GABBR2: variants seen among roughly 807,000 people sequenced by gnomAD.
GABBR2 encodes gamma-aminobutyric acid type B receptor subunit 2, also known as G-protein coupled receptor 51.
In GABBR2, 23 loss-of-function variants were observed where a neutral mutation model predicts 105.6. The ratio of observed to expected loss-of-function variants is 0.22; its 90% CI spans 0.16 to 0.31. The LOEUF (loss-of-function observed/expected upper bound fraction) is 0.31. GABBR2 is among the 10% of genes least tolerant of loss of function. The probability of loss-of-function intolerance (pLI) is 1.00; values close to 1 mark genes in which losing one functional copy is unlikely to be tolerated. For synonymous variants in GABBR2, 478 were observed against 499.7 expected (o/e 0.96, Z 0.58); for missense variants, 734 against 1,245.5 (o/e 0.59, Z 6.18).
chr9:98,398,103 C>G (rs1832326370), intron 8 of GABBR2, among the ~76,000 whole-genome samples: 1 of 152,102 alleles, frequency 6.6e-6, no homozygotes, highest in Admixed American at 6.5e-5. Context: ...CAGTCTGTAT[C>G]CAATTTTATT....
At chr9:98,518,875 C>T (rs1314968691) in intron 3 of GABBR2, among the ~76,000 whole-genome samples, 2 of 152,168 alleles carry the variant, frequency 1.3e-5, no homozygotes, top group Non-Finnish European at 2.9e-5. Context: ...TGGGAGGGAG[C>T]GGTGGTCTAG....
At chr9:98,637,939 C>A (rs1423080873) in intron 1 of GABBR2, among the ~76,000 whole-genome samples, 2 of 152,152 alleles carry the variant, frequency 1.3e-5, no homozygotes, top group African/African-American at 2.4e-5. Context: ...ATACTATATA[C>A]TGGATAGTGT....
At chr9:98,631,512 C>A (rs1010943411) in intron 1 of GABBR2, among the ~76,000 whole-genome samples, 1 of 152,208 alleles carries the variant, frequency 6.6e-6, no homozygotes, top group Non-Finnish European at 1.5e-5. Context: ...TCTGCCCTCA[C>A]AGAGCTTACA....
intron 6 of GABBR2, among the ~76,000 whole-genome samples, chr9:98,455,124 A>G (rs540484146): frequency 6.6e-6 from 1 of 152,248 alleles, no homozygotes; most frequent in South Asian, 2.1e-4. Context: ...CTTCCATAAT[A>G]TAACAGTCCG....
chr9:98,514,196 T>C (rs1472484688), intron 3 of GABBR2, among the ~76,000 whole-genome samples: 2 of 132,298 alleles, frequency 1.5e-5, no homozygotes, highest in African/African-American at 2.7e-5. Context: ...TAGGTGGGAA[T>C]TGAACAATGA....
At chr9:98,607,348 C>G in intron 1 of GABBR2, 1 of 735,930 alleles carries the variant, frequency 1.4e-6, no homozygotes. Flanking sequence ...TGGACTTAAA[C>G]CATTGAATAT....
chr9:98,517,384 C>T (rs1377014065), intron 3 of GABBR2, among the ~76,000 whole-genome samples: 1 of 152,176 alleles, frequency 6.6e-6, no homozygotes, highest in Non-Finnish European at 1.5e-5. Context: ...AGTCCCTCTC[C>T]TGGCGAAACT....
At chr9:98,296,634 A>G (rs1830387471) in intron 17 of GABBR2, among the ~76,000 whole-genome samples, 1 of 152,218 alleles carries the variant, frequency 6.6e-6, no homozygotes. Context: ...ATAAGGAATG[A>G]GATTGATCAT....
At chr9:98,684,739 G>A (rs1830599318) in intron 1 of GABBR2, among the ~76,000 whole-genome samples, 1 of 152,160 alleles carries the variant, frequency 6.6e-6, no homozygotes, top group African/African-American at 2.4e-5. Context: ...CAGAGTGAAA[G>A]CAACATCTAT....
At chr9:98,629,192 G>A (rs1346379518) in intron 1 of GABBR2, among the ~76,000 whole-genome samples, 3 of 152,128 alleles carry the variant, frequency 2.0e-5, no homozygotes, top group African/African-American at 7.2e-5. Flanking sequence ...ACTTAATATT[G>A]ATGTATTTTT....
intron 1 of GABBR2, among the ~76,000 whole-genome samples, chr9:98,676,431 T>C (rs1382255339): frequency 1.3e-5 from 2 of 152,266 alleles, no homozygotes; most frequent in Non-Finnish European, 2.9e-5. Context: ...AAAACTAATA[T>C]GCCACACCAT....
At chr9:98,518,721 G>C (rs1180999649) in intron 3 of GABBR2, among the ~76,000 whole-genome samples, 1 of 152,224 alleles carries the variant, frequency 6.6e-6, no homozygotes, top group East Asian at 1.9e-4. Flanking sequence ...CCAGGTGTCT[G>C]GGGGAGGATG....
chr9:98,464,755 C>T (rs1296934935), intron 6 of GABBR2, among the ~76,000 whole-genome samples: 1 of 152,132 alleles, frequency 6.6e-6, no homozygotes, highest in African/African-American at 2.4e-5. Context: ...ATAGGAGACT[C>T]CATTTTGTTC....
At chr9:98,294,700 A>T (rs1032579865) in intron 17 of GABBR2, among the ~76,000 whole-genome samples, 1 of 152,052 alleles carries the variant, frequency 6.6e-6, no homozygotes, top group Non-Finnish European at 1.5e-5. Context: ...GTGGTCTCGA[A>T]CTCCTGACCT....
At chr9:98,634,540 C>T (rs1829853852) in intron 1 of GABBR2, among the ~76,000 whole-genome samples, 1 of 152,124 alleles carries the variant, frequency 6.6e-6, no homozygotes, top group Admixed American at 6.5e-5. Context: ...CGTGATGGTG[C>T]CACAAGCCAA....
intron 6 of GABBR2, among the ~76,000 whole-genome samples, chr9:98,469,794 A>G (rs1240739083): frequency 6.6e-6 from 1 of 152,182 alleles, no homozygotes; most frequent in Admixed American, 6.5e-5. Context: ...CATTTGTACA[A>G]TAGTGAGGAT....
chr9:98,676,000 T>C (rs1830472735), intron 1 of GABBR2, among the ~76,000 whole-genome samples: 1 of 152,210 alleles, frequency 6.6e-6, no homozygotes, highest in African/African-American at 2.4e-5. Context: ...TATATCCATG[T>C]CCTAATGCCA....
chr9:98,309,900 CA>C (rs1564011183), intron 14 of GABBR2, among the ~76,000 whole-genome samples: 1 of 152,218 alleles, frequency 6.6e-6, no homozygotes, highest in Non-Finnish European at 1.5e-5. Context: ...CATGGCCTCT[CA>C]AAGGACACAG....
chr9:98,444,789 G>A (rs1826093440), intron 7 of GABBR2, among the ~76,000 whole-genome samples: 1 of 152,212 alleles, frequency 6.6e-6, no homozygotes, highest in South Asian at 2.1e-4. Flanking sequence ...ATTGAGAGGG[G>A]AGTAAGGGAT....
Sources: gnomAD v4.1 joint callset for allele counts (sites outside exome capture counted in the v4.1 genomes callset) on GRCh38, gnomAD v4.1.1 for gene constraint, MANE v1.5 for transcripts, NCBI Gene and HGNC (gene_info 2026-07-23, HGNC 2026-07-21) for gene names.